The following SLC28A3 variants were observed in gnomAD, a reference collection of about 807,000 sequenced individuals.
SLC28A3 encodes concentrative Na(+)-nucleoside cotransporter 3.
Under a neutral mutation model 84.2 loss-of-function variants are expected in SLC28A3, and 68 were observed. The observed-to-expected ratio is 0.81, with a 90% CI of 0.66 to 0.99. The LOEUF (loss-of-function observed/expected upper bound fraction) is 0.99, where lower values mean the gene tolerates loss of function less well. Ranked by LOEUF, SLC28A3 falls within the 50% of genes least tolerant of loss-of-function variation. The pLI, the probability that SLC28A3 is intolerant of heterozygous loss-of-function variation, is 0.00. For synonymous variants in SLC28A3, 267 were observed against 303.6 expected (o/e 0.88, Z 1.25); for missense variants, 712 against 841.5 (o/e 0.85, Z 1.90).
intron 10 of SLC28A3, 179 bp downstream of exon 10, chr9:84,292,475 GTCTCTCTCTCTCTC>G: frequency 2.7e-6 from 1 of 375,400 alleles, no homozygotes; most frequent in Non-Finnish European, 4.8e-6. Flanking sequence ...CTCTCTCTCT[GTCTCTCTCTCTCTC>G]TCTCTCTGTC....
At chr9:84,321,946 A>T (rs1826395695) in intron 1 of SLC28A3, among the ~76,000 whole-genome samples, 1 of 152,136 alleles carries the variant, frequency 6.6e-6, no homozygotes, top group African/African-American at 2.4e-5. Context: ...GCTACTCAGG[A>T]GGCTGAGGCA....
intron 1 of SLC28A3, among the ~76,000 whole-genome samples, chr9:84,328,156 T>TACACACACACACACACAC (rs71498096): frequency 3.4e-4 from 45 of 131,964 alleles, no homozygotes; most frequent in Middle Eastern, 3.8e-3. Context: ...GGGAAAAGAC[T>TACACACACACACACACAC]ACACACACAC....
upstream of SLC28A3, among the ~76,000 whole-genome samples, chr9:84,344,031 T>C (rs148842785): frequency 3.7e-4 from 57 of 152,256 alleles, no homozygotes; most frequent in Non-Finnish European, 6.3e-4. Context: ...TTTGGGCAAG[T>C]AGCTGAGTTC....
At chr9:84,338,585 C>T (rs778992696) in intron 1 of SLC28A3, among the ~76,000 whole-genome samples, 1 of 152,140 alleles carries the variant, frequency 6.6e-6, no homozygotes. Context: ...GTTTCCCCCA[C>T]AAAACAGCAG....
intron 10 of SLC28A3, 140 bp downstream of exon 10, chr9:84,292,528 C>T (rs888546598): frequency 4.1e-5 from 24 of 581,866 alleles, no homozygotes; most frequent in Non-Finnish European, 5.9e-5. Context: ...GGAATCCGGA[C>T]ATTGCCAATA....
the SLC28A3 span, among the ~76,000 whole-genome samples, chr9:84,350,775 G>A: frequency 3.3e-5 from 5 of 152,056 alleles, no homozygotes; most frequent in African/African-American, 4.8e-5. Context: ...ACAGTGGTGC[G>A]ATCTTGGCTC....
chr9:84,313,633 G>A (rs768136104), intron 1 of SLC28A3, among the ~76,000 whole-genome samples, 179 bp from the exon 2 acceptor site: 12 of 151,988 alleles, frequency 7.9e-5, no homozygotes, highest in Non-Finnish European at 1.3e-4. Context: ...ACAGATGATC[G>A]GCTGGGCACA....
the SLC28A3 span, among the ~76,000 whole-genome samples, chr9:84,351,992 G>T: frequency 6.6e-6 from 1 of 151,856 alleles, no homozygotes; most frequent in African/African-American, 2.4e-5. Flanking sequence ...ATTATTCTTG[G>T]ATCTTTTCTA....
intron 17 of SLC28A3, 39 bp downstream of exon 17, chr9:84,279,226 T>G: frequency 1.3e-6 from 2 of 1,541,222 alleles, no homozygotes; most frequent in Non-Finnish European, 1.7e-6. Flanking sequence ...GATTGATTAT[T>G]AATGGAGTAT....
chr9:84,279,158 G>T, intron 17 of SLC28A3, 107 bp downstream of exon 17: 1 of 1,114,552 alleles, frequency 9.0e-7, no homozygotes, highest in Non-Finnish European at 1.2e-6. Flanking sequence ...GGGAGACAGA[G>T]CAAGACTCCG....
intron 11 of SLC28A3, among the ~76,000 whole-genome samples, chr9:84,288,917 A>T (rs1825104893): frequency 6.6e-6 from 1 of 152,130 alleles, no homozygotes; most frequent in Admixed American, 6.5e-5. Flanking sequence ...ATTCATGTGC[A>T]GATGTGTATA....
At chr9:84,285,816 G>T in intron 13 of SLC28A3, 127 bp downstream of exon 13, 1 of 1,123,414 alleles carries the variant, frequency 8.9e-7, no homozygotes, top group Non-Finnish European at 1.2e-6. Context: ...GTTGGGGGAT[G>T]CATGAGAAGC....
Position 84,290,257 on chromosome 9 carries a change from C to A in SLC28A3, c.1046G>T (p.Arg349Leu). 2.5e-6 allele frequency: 4 copies of A among 1,613,826 alleles called. No homozygotes were observed. Among genetic ancestry groups the A allele is most frequent in the Non-Finnish European group, 3.4e-6 (4 of 1,179,878 alleles). ...VGQTESPLLV[R>L]PYLPYITKSE... is the part of the protein sequence containing the mutation. ...CTTGGTGATGTAAGGTAAATATGGT[C>A]GGACCAGCAGTGGAGACTCCGTCTG... Residue 349 changes from arginine to leucine, a missense_variant, in exon 11 of 18, where the codon CGA becomes CTA. Transcript: ENST00000376238.
chr9:84,291,586 T>G (rs1242678787), intron 10 of SLC28A3, among the ~76,000 whole-genome samples: 1 of 152,220 alleles, frequency 6.6e-6, no homozygotes, highest in East Asian at 1.9e-4. Context: ...TCTGCCCGCC[T>G]TGGCCTCCCA....
chr9:84,296,057 G>A (rs1479797910), intron 8 of SLC28A3, among the ~76,000 whole-genome samples: 1 of 152,178 alleles, frequency 6.6e-6, no homozygotes, highest in Non-Finnish European at 1.5e-5. Flanking sequence ...CCACTGCCCT[G>A]GAAGAGGGGA....
chr9:84,361,636 T>C, the SLC28A3 span, among the ~76,000 whole-genome samples: 81 of 152,174 alleles, frequency 5.3e-4, no homozygotes, highest in African/African-American at 1.8e-3. Context: ...GCGTACTGCC[T>C]GGGCGTGATA....
At chr9:84,288,555 C>CTT (rs35118010) in intron 11 of SLC28A3, among the ~76,000 whole-genome samples, 1,638 of 148,246 alleles carry the variant, frequency 0.011, 33 homozygotes, top group African/African-American at 0.039. Flanking sequence ...GTCATTACAA[C>CTT]TTTTTTTTTT....
chr9:84,365,210 A>G, the SLC28A3 span, among the ~76,000 whole-genome samples: 2 of 152,166 alleles, frequency 1.3e-5, no homozygotes, highest in African/African-American at 4.8e-5. Flanking sequence ...GATATATCCC[A>G]TTATAACTGG....
chr9:84,312,569 C>G (rs1447173775), intron 2 of SLC28A3, among the ~76,000 whole-genome samples: 1 of 143,546 alleles, frequency 7.0e-6, no homozygotes, highest in Non-Finnish European at 1.5e-5. Flanking sequence ...TTGAGAATCT[C>G]GCTCTGTCGC....
Sources: allele counts gnomAD v4.1 joint callset (sites outside exome capture counted in the v4.1 genomes callset), GRCh38; gene constraint gnomAD v4.1.1; transcripts MANE v1.5; gene names NCBI Gene and HGNC (gene_info 2026-07-23, HGNC 2026-07-21).